FGGY: variants seen among roughly 807,000 people sequenced by gnomAD.
The protein encoded by FGGY is FGGY carbohydrate kinase domain containing, also known as FGGY carbohydrate kinase domain-containing protein.
Under a neutral mutation model 71.3 loss-of-function variants are expected in FGGY, and 72 were observed. The observed-to-expected ratio is 1.01, with a 90% CI of 0.84 to 1.23. The LOEUF is 1.23. Ranked by LOEUF, FGGY falls within the 50% of genes most tolerant of loss-of-function variation. The pLI is 0.00. For missense variants in FGGY, 668 were observed against 682.3 expected, an observed-to-expected ratio of 0.98 and a Z score of 0.23; for synonymous variants, 251 against 250.3, an observed-to-expected ratio of 1.00 and a Z score of -0.02.
At chr1:59,608,013 C>G in intron 9 of FGGY, 103 bp downstream of exon 9, 1 of 884,224 alleles carries the variant, frequency 1.1e-6, no homozygotes, top group Non-Finnish European at 1.8e-6. Context: ...GATTTGCAGA[C>G]CCCTGAATCG....
intron 6 of FGGY, among the ~76,000 whole-genome samples, chr1:59,462,296 C>T (rs1270773889): frequency 1.3e-5 from 2 of 152,142 alleles, no homozygotes; most frequent in Non-Finnish European, 2.9e-5. Flanking sequence ...ACACCTTATA[C>T]AAAAGTTAAT....
At chr1:59,691,830 CCCTTTTGG>C (rs1259319533) in intron 14 of FGGY, among the ~76,000 whole-genome samples, 1 of 151,798 alleles carries the variant, frequency 6.6e-6, no homozygotes, top group Non-Finnish European at 1.5e-5. Context: ...TGTAAAAAAC[CCCTTTTGG>C]ATTCAAAGAT....
At chr1:59,697,396 C>T (rs1038785648) in intron 14 of FGGY, among the ~76,000 whole-genome samples, 3 of 152,234 alleles carry the variant, frequency 2.0e-5, no homozygotes, top group South Asian at 2.1e-4. Context: ...TACTTTCTGT[C>T]TCTGTGAATT....
intron 7 of FGGY, among the ~76,000 whole-genome samples, chr1:59,553,281 T>C (rs1273869817): frequency 6.6e-6 from 1 of 152,196 alleles, no homozygotes; most frequent in African/African-American, 2.4e-5. Flanking sequence ...AGTCTGCGTG[T>C]TTGTGGCTTC....
At chr1:59,314,523 A>G (rs965679709) in intron 1 of FGGY, among the ~76,000 whole-genome samples, 1 of 152,216 alleles carries the variant, frequency 6.6e-6, no homozygotes, top group Non-Finnish European at 1.5e-5. Context: ...GAGTAGTTGT[A>G]TAGAATTCAT....
chr1:59,459,917 A>G (rs939257643), intron 6 of FGGY, among the ~76,000 whole-genome samples: 2 of 152,200 alleles, frequency 1.3e-5, no homozygotes, highest in Non-Finnish European at 2.9e-5. Context: ...TTTGTCATAT[A>G]AAGGGATTCA....
chr1:59,620,610 C>T (rs1197339432), intron 9 of FGGY, among the ~76,000 whole-genome samples: 1 of 151,640 alleles, frequency 6.6e-6, no homozygotes, highest in Non-Finnish European at 1.5e-5. Context: ...GATTAAATGA[C>T]TATTTTTCAA....
intron 14 of FGGY, among the ~76,000 whole-genome samples, chr1:59,684,498 T>C (rs1247461970): frequency 6.6e-6 from 1 of 152,168 alleles, no homozygotes; most frequent in African/African-American, 2.4e-5. Context: ...CTTTGCAGCA[T>C]AGTGCCTCCT....
intron 14 of FGGY, among the ~76,000 whole-genome samples, chr1:59,724,344 C>T (rs1307546168): frequency 1.3e-5 from 2 of 151,642 alleles, no homozygotes; most frequent in Non-Finnish European, 2.9e-5. Context: ...ATTAGCCAGG[C>T]ATGGTGGCAG....
chr1:59,412,846 G>A (rs1267111619), intron 5 of FGGY, among the ~76,000 whole-genome samples: 1 of 152,184 alleles, frequency 6.6e-6, no homozygotes, highest in Non-Finnish European at 1.5e-5. Flanking sequence ...GTGGGGCCTG[G>A]CATTGGGATG....
rs187648053 is a variant in FGGY, at chr1:59,393,470, C to G, written c.554+14633C>G. ...AAGGCTGCCCGATAAGCAAGCCTCA[C>G]TACAAGTTCTGTGAAACAGGGGGTG... is the stretch of plus-strand genomic sequence containing the variant. On this transcript the variant is annotated intron_variant, in intron 5 of 15. Transcript: ENST00000303721. Among the ~76,000 whole-genome samples, 432 of 152,304 alleles carry G rather than the reference C, an allele frequency of 2.8e-3. 1 individual carries two copies. Among genetic ancestry groups the G allele is most frequent in the African/African-American group, 9.7e-3 (405 of 41,576 alleles).
At chr1:59,533,721 C>G (rs1182449440) in intron 7 of FGGY, among the ~76,000 whole-genome samples, 1 of 151,806 alleles carries the variant, frequency 6.6e-6, no homozygotes, top group Non-Finnish European at 1.5e-5. Context: ...TGAGAGGCAC[C>G]CCCCAGCAGG....
intron 7 of FGGY, among the ~76,000 whole-genome samples, chr1:59,537,212 C>G (rs1470944425): frequency 4.0e-5 from 6 of 151,390 alleles, no homozygotes; most frequent in African/African-American, 1.2e-4. Flanking sequence ...AACAGACAAA[C>G]AGAGATCCAA....
intron 4 of FGGY, among the ~76,000 whole-genome samples, chr1:59,369,912 G>A (rs946553708): frequency 6.6e-6 from 1 of 152,146 alleles, no homozygotes; most frequent in South Asian, 2.1e-4. Flanking sequence ...AAACCCATCT[G>A]TATATCACCA....
chr1:59,320,107 A>G (rs948552743), intron 1 of FGGY, among the ~76,000 whole-genome samples: 1 of 152,198 alleles, frequency 6.6e-6, no homozygotes, highest in South Asian at 2.1e-4. Context: ...TGAAGCTCCT[A>G]TGAACGGAGC....
chr1:59,663,833 G>A (rs1167879530), intron 12 of FGGY, among the ~76,000 whole-genome samples: 2 of 151,968 alleles, frequency 1.3e-5, no homozygotes, highest in African/African-American at 4.8e-5. Context: ...TGTTCAACTT[G>A]GGAAAAAAAA....
chr1:59,625,060 G>A (rs1230495158), intron 9 of FGGY, among the ~76,000 whole-genome samples: 2 of 152,120 alleles, frequency 1.3e-5, no homozygotes, highest in Non-Finnish European at 2.9e-5. Context: ...CAGGAAACAT[G>A]CTCAGAGAGC....
chr1:59,585,103 T>C (rs2153765925), intron 8 of FGGY, among the ~76,000 whole-genome samples: 1 of 152,200 alleles, frequency 6.6e-6, no homozygotes, highest in East Asian at 1.9e-4. Context: ...CCCAAGGTAA[T>C]TTATAGATTC....
chr1:59,350,893 A>G (rs2053147368), intron 4 of FGGY, among the ~76,000 whole-genome samples: 1 of 152,164 alleles, frequency 6.6e-6, no homozygotes, highest in Non-Finnish European at 1.5e-5. Context: ...ATCCTAGCTC[A>G]CTATATCCCA....
Sources: gnomAD v4.1 joint callset for allele counts (sites outside exome capture counted in the v4.1 genomes callset) on GRCh38, gnomAD v4.1.1 for gene constraint, MANE v1.5 for transcripts, NCBI Gene and HGNC (gene_info 2026-07-23, HGNC 2026-07-21) for gene names.